Variants in ANKIB1 observed in about 807,000 individuals in gnomAD.
The protein encoded by ANKIB1 is ankyrin repeat and IBR domain containing 1, also known as ankyrin repeat and IBR domain-containing protein 1.
Under a neutral mutation model 122.1 loss-of-function variants are expected in ANKIB1, and 43 were observed. That is an observed-to-expected ratio of 0.35 (90% CI 0.28 to 0.45). The LOEUF is 0.45. Ranked by LOEUF, ANKIB1 falls within the 20% of genes least tolerant of loss-of-function variation. ANKIB1 has a pLI of 1.00. For missense variants in ANKIB1, 992 were observed against 1,329.5 expected (o/e 0.75, Z 3.95); for synonymous variants, 390 against 442.0 (o/e 0.88, Z 1.48).
intron 3 of ANKIB1, among the ~76,000 whole-genome samples, chr7:92,316,003 G>T (rs1802786272): frequency 7.2e-5 from 11 of 152,078 alleles, no homozygotes; most frequent in Admixed American, 7.2e-4. Flanking sequence ...AATAGTAGGG[G>T]TTACCTCTCT....
At chr7:92,309,815 C>G (rs1585100405) in intron 3 of ANKIB1, among the ~76,000 whole-genome samples, 3 of 150,082 alleles carry the variant, frequency 2.0e-5, no homozygotes, top group Admixed American at 2.0e-4. Context: ...GTCCCAGCTG[C>G]TTGGGAGGCT....
At chr7:92,323,236 G>A (rs1236345986) in intron 4 of ANKIB1, among the ~76,000 whole-genome samples, 2 of 152,094 alleles carry the variant, frequency 1.3e-5, no homozygotes, top group African/African-American at 2.4e-5. Context: ...TATTTCATTA[G>A]TATATTAGAG....
chr7:92,391,554 T>G (rs927068359), intron 16 of ANKIB1, among the ~76,000 whole-genome samples: 2 of 152,124 alleles, frequency 1.3e-5, no homozygotes, highest in African/African-American at 4.8e-5. Context: ...TATTTATCAT[T>G]GTGTAGCTCC....
chr7:92,338,082 G>A (rs1436920285), intron 5 of ANKIB1, among the ~76,000 whole-genome samples: 2 of 151,960 alleles, frequency 1.3e-5, no homozygotes, highest in African/African-American at 4.8e-5. Context: ...GAAGGAGAAC[G>A]ATAAGTCAAA....
chr7:92,251,046 A>T (rs912192227), intron 1 of ANKIB1, among the ~76,000 whole-genome samples: 3 of 152,234 alleles, frequency 2.0e-5, no homozygotes, highest in African/African-American at 7.2e-5. Context: ...CTTCAGTCTG[A>T]CATATAATTT....
intron 4 of ANKIB1, among the ~76,000 whole-genome samples, chr7:92,322,471 T>G (rs1802932745): frequency 6.6e-6 from 1 of 152,120 alleles, no homozygotes; most frequent in Non-Finnish European, 1.5e-5. Context: ...TTGTCTATTT[T>G]CATGCATTTC....
chr7:92,386,719 C>T, intron 12 of ANKIB1, 76 bp downstream of exon 12: 1 of 1,282,088 alleles, frequency 7.8e-7, no homozygotes, highest in Non-Finnish European at 1.0e-6. Context: ...ATTTCTTTTT[C>T]TATTTTCATC....
chr7:92,276,870 C>T (rs1184280864), intron 1 of ANKIB1, among the ~76,000 whole-genome samples: 2 of 152,168 alleles, frequency 1.3e-5, no homozygotes, highest in Non-Finnish European at 2.9e-5. Flanking sequence ...TGTGTCTCTA[C>T]CAAATCTCTT....
At chr7:92,324,862 T>G (rs554274643) in intron 4 of ANKIB1, among the ~76,000 whole-genome samples, 11 of 152,340 alleles carry the variant, frequency 7.2e-5, no homozygotes, top group Admixed American at 2.0e-4. Flanking sequence ...ACTGAGTGAC[T>G]GCTAGACACT....
At chr7:92,343,982 T>C (rs1157587452) in intron 6 of ANKIB1, among the ~76,000 whole-genome samples, 1 of 152,138 alleles carries the variant, frequency 6.6e-6, no homozygotes, top group Admixed American at 6.5e-5. Context: ...ACTCAAAATA[T>C]GTGATAAATA....
At chr7:92,287,196 A>T (rs982633097) in intron 1 of ANKIB1, among the ~76,000 whole-genome samples, 13 of 152,222 alleles carry the variant, frequency 8.5e-5, no homozygotes, top group African/African-American at 2.9e-4. Context: ...GTACAGTACT[A>T]CTAACTAAAC....
chr7:92,329,218 G>A (rs1187375335), intron 5 of ANKIB1, among the ~76,000 whole-genome samples: 3 of 151,864 alleles, frequency 2.0e-5, no homozygotes, highest in Admixed American at 1.3e-4. Context: ...CCACCCCCTC[G>A]CCCTCCCAGA....
At chr7:92,337,127 G>A (rs1000374007) in intron 5 of ANKIB1, among the ~76,000 whole-genome samples, 3 of 152,036 alleles carry the variant, frequency 2.0e-5, no homozygotes, top group Non-Finnish European at 4.4e-5. Context: ...TATTTTCTTG[G>A]CTTAAGTGGA....
intron 2 of ANKIB1, among the ~76,000 whole-genome samples, chr7:92,301,380 T>C (rs1205770989): frequency 3.3e-5 from 5 of 152,148 alleles, no homozygotes; most frequent in Admixed American, 3.3e-4. Flanking sequence ...ATAATTGCCA[T>C]GCAAACAGGT....
At position 92,396,426 on chromosome 7, in the gene ANKIB1, G is replaced by A. The variant is rs1296052951; in HGVS notation, c.2345G>A (p.Ser782Asn). Residue 782 changes from serine to asparagine, a missense_variant, in exon 18 of 20, where the codon AGT becomes AAT. Physicochemically the swap from Ser to Asn is conservative, Grantham distance 46 (BLOSUM62 1). This residue lies in a region of ANKIB1 where 384 missense variants were observed against 412.0 expected (regional missense o/e 0.93). Transcript: ENST00000265742. ...CAACGTCGTCGAGGAGATGTTCACA[G>A]TCTACTCAGTAATCCTCCAGACCCT... ...HRQRRRGDVH[S>N]LLSNPPDPDE... The A allele has an allele frequency of 1.3e-6, 2 of 1,598,006 alleles. No individual in the cohort carries two copies. The highest frequency in any genetic ancestry group is 2.3e-5 in the South Asian group (2 of 87,654).
intron 11 of ANKIB1, among the ~76,000 whole-genome samples, chr7:92,381,043 A>G (rs891961807): frequency 1.3e-5 from 2 of 152,218 alleles, no homozygotes; most frequent in African/African-American, 4.8e-5. Flanking sequence ...TAGAATAAAC[A>G]GTGTAGAGAA....
At chr7:92,284,904 A>G (rs6965936) in intron 1 of ANKIB1, among the ~76,000 whole-genome samples, 78,582 of 152,040 alleles carry the variant, frequency 0.52, 21,195 homozygotes, top group African/African-American at 0.68. Context: ...TGTGAATTTA[A>G]GACATTGTTT....
intron 1 of ANKIB1, among the ~76,000 whole-genome samples, chr7:92,288,830 T>C (rs1274242949): frequency 6.6e-6 from 1 of 151,990 alleles, no homozygotes; most frequent in Admixed American, 6.6e-5. Flanking sequence ...ACACATCCAT[T>C]ATAATGGCTA....
chr7:92,319,531 C>G lies in ANKIB1; in HGVS notation c.669+19C>G, dbSNP rs773089398. On this transcript the variant is annotated intron_variant, in intron 4 of 19. Transcript: ENST00000265742. ...ACGAGAGGTCAGTTTATTTTTTCTT[C>G]TCAGTAAAAAAATTACATGTAATTT... 4.4e-6 allele frequency: 7 copies of G among 1,583,458 alleles called. No individual in the cohort carries two copies. The highest frequency in any genetic ancestry group is 6.0e-6 in the Non-Finnish European group (7 of 1,171,400).
Sources: gnomAD v4.1 joint callset for allele counts (sites outside exome capture counted in the v4.1 genomes callset) on GRCh38, gnomAD v4.1.1 for gene constraint, gnomAD v4.1.1 regional missense constraint, MANE v1.5 for transcripts, NCBI Gene and HGNC (gene_info 2026-07-23, HGNC 2026-07-21) for gene names.